Variants in MALRD1 observed in about 807,000 individuals in gnomAD.
MALRD1 encodes MAM and LDL-receptor class A domain-containing protein 1.
Under a neutral mutation model 242.1 loss-of-function variants are expected in MALRD1, and 247 were observed. The ratio of observed to expected loss-of-function variants is 1.02; its 90% CI spans 0.92 to 1.13. MALRD1 has a LOEUF of 1.13. Among genes scored for constraint, MALRD1 ranks in the 50% most tolerant of loss-of-function variants. MALRD1 has a pLI of 0.00. For missense variants in MALRD1, 2,989 were observed against 2,533.1 expected, an observed-to-expected ratio of 1.18 and a Z score of -3.86; for synonymous variants, 995 against 866.6, an observed-to-expected ratio of 1.15 and a Z score of -2.60.
At chr10:19,595,119 A>G in intron 33 of MALRD1, 75 bp from the exon 34 acceptor site, 1 of 1,362,074 alleles carries the variant, frequency 7.3e-7, no homozygotes, top group Non-Finnish European at 9.8e-7. Context: ...TAAGAAATGC[A>G]ACCTGTAATG....
chr10:19,659,062 C>T (rs1033214869), intron 36 of MALRD1, among the ~76,000 whole-genome samples: 3 of 152,168 alleles, frequency 2.0e-5, no homozygotes, highest in African/African-American at 7.2e-5. Context: ...TATTTTCCTA[C>T]TTTTTGCTCT....
intron 36 of MALRD1, among the ~76,000 whole-genome samples, chr10:19,684,744 T>C (rs994688668): frequency 7.9e-5 from 12 of 152,232 alleles, no homozygotes; most frequent in African/African-American, 2.4e-4. Flanking sequence ...AGAGCAAGAC[T>C]CTAACTCAAA....
At chr10:19,290,890 C>T (rs1317648846) in intron 21 of MALRD1, among the ~76,000 whole-genome samples, 1 of 152,104 alleles carries the variant, frequency 6.6e-6, no homozygotes, top group Non-Finnish European at 1.5e-5. Flanking sequence ...TTTATATGAT[C>T]TCAGAGTCCT....
intron 19 of MALRD1, 94 bp downstream of exon 19, chr10:19,257,865 A>T: frequency 2.3e-6 from 2 of 879,598 alleles, no homozygotes; most frequent in Non-Finnish European, 1.7e-6. Context: ...CAAAATTTCC[A>T]ATATGACCTT....
At chr10:19,167,101 T>G (rs1834719181) in intron 13 of MALRD1, among the ~76,000 whole-genome samples, 1 of 152,188 alleles carries the variant, frequency 6.6e-6, no homozygotes, top group Admixed American at 6.5e-5. Context: ...GGCTCATGCC[T>G]GTAATCCCAG....
In MALRD1 at chr10:19,450,252, C is replaced by T. The variant is rs1835245288; in HGVS notation, c.4846-55C>T. ...AATAACTGGGTTTTGCCCCACACTG[C>T]ATCATCTTCTTTTGTGTTTGATTAT... is the stretch of plus-strand genomic sequence containing the variant. On this transcript the variant is annotated intron_variant, in intron 28 of 39. Coordinates refer to ENST00000454679, the MANE Select transcript of MALRD1 (RefSeq NM_001142308.3). 8 of 1,448,358 alleles carry T rather than the reference C, an allele frequency of 5.5e-6. No homozygotes were observed. The South Asian group carries it at 8.0e-5, about 14-fold the overall frequency. 89.7% of individuals were successfully genotyped at this position (1,448,358 alleles called of 1,614,324 possible).
At chr10:19,566,012 T>C (rs748815253) in intron 32 of MALRD1, among the ~76,000 whole-genome samples, 35 of 152,200 alleles carry the variant, frequency 2.3e-4, no homozygotes, top group Non-Finnish European at 1.2e-4. Flanking sequence ...AGCATTCTTA[T>C]CTTCTGTCTC....
chr10:19,528,435 A>G (rs929493374), intron 31 of MALRD1, among the ~76,000 whole-genome samples: 1 of 152,078 alleles, frequency 6.6e-6, no homozygotes, highest in Non-Finnish European at 1.5e-5. Flanking sequence ...TCTACCAAAA[A>G]TACAAAAATT....
At chr10:19,533,944 A>G (rs1449002361) in intron 32 of MALRD1, among the ~76,000 whole-genome samples, 1 of 152,178 alleles carries the variant, frequency 6.6e-6, no homozygotes, top group African/African-American at 2.4e-5. Flanking sequence ...GAAGAGAGGT[A>G]TTTCTTTTTC....
intron 29 of MALRD1, among the ~76,000 whole-genome samples, chr10:19,486,187 T>C (rs932160336): frequency 6.6e-6 from 1 of 152,236 alleles, no homozygotes; most frequent in Non-Finnish European, 1.5e-5. Context: ...CATTTACTTA[T>C]CACATTAAAT....
intron 21 of MALRD1, among the ~76,000 whole-genome samples, chr10:19,320,210 C>A (rs1842865995): frequency 6.6e-6 from 1 of 151,702 alleles, no homozygotes; most frequent in African/African-American, 2.4e-5. Flanking sequence ...TCGTGATGCT[C>A]TCCCTCCCCT....
At chr10:19,066,999 A>T (rs572565089) in intron 2 of MALRD1, 140 bp downstream of exon 2, 367 of 536,336 alleles carry the variant, frequency 6.8e-4, no homozygotes, top group Non-Finnish European at 9.2e-4. Flanking sequence ...ATCTTGTCTG[A>T]TATTTACATA....
rs1309013830 is a variant in MALRD1 at position 19,613,594 on chromosome 10, C to CA, written c.6071-2261dup. ...CATTATATTTTTGCTAGTTTATTAC[C>CA]AACAAAAACCTCTTTAACGGGGCTC... On this transcript the variant is annotated intron_variant, in intron 35 of 39. Coordinates refer to ENST00000454679, the MANE Select transcript of MALRD1 (RefSeq NM_001142308.3). 3.3e-5 allele frequency among the ~76,000 whole-genome samples: 5 copies of CA among 151,778 alleles called. No individual in the cohort carries two copies. In the East Asian group the frequency reaches 5.8e-4, roughly 18 times the overall value.
intron 28 of MALRD1, among the ~76,000 whole-genome samples, chr10:19,443,480 A>G (rs1180287089): frequency 6.6e-6 from 1 of 152,188 alleles, no homozygotes; most frequent in Non-Finnish European, 1.5e-5. Flanking sequence ...TTCCCTCTAC[A>G]CACTGCTTTA....
chr10:19,296,202 T>C (rs1216024793), intron 21 of MALRD1, among the ~76,000 whole-genome samples: 1 of 152,138 alleles, frequency 6.6e-6, no homozygotes, highest in Non-Finnish European at 1.5e-5. Flanking sequence ...TATAGTTTCT[T>C]CATAACTTTT....
At chr10:19,244,876 A>T (rs556158995) in intron 18 of MALRD1, among the ~76,000 whole-genome samples, 12 of 152,322 alleles carry the variant, frequency 7.9e-5, no homozygotes, top group Middle Eastern at 3.4e-3. Flanking sequence ...AATTAAGAGC[A>T]AATACAGATG....
intron 21 of MALRD1, among the ~76,000 whole-genome samples, chr10:19,283,594 C>G (rs1258939493): frequency 6.6e-6 from 1 of 151,930 alleles, no homozygotes; most frequent in Non-Finnish European, 1.5e-5. Flanking sequence ...CCCTTTCTGT[C>G]TTCCTACTTT....
At chr10:19,074,531 C>T (rs1221463076) in intron 2 of MALRD1, among the ~76,000 whole-genome samples, 1 of 151,974 alleles carries the variant, frequency 6.6e-6, no homozygotes, top group Non-Finnish European at 1.5e-5. Flanking sequence ...TATATTTGTT[C>T]TATTTTTCCA....
chr10:19,680,388 G>A (rs757199022), intron 36 of MALRD1, among the ~76,000 whole-genome samples: 3 of 152,124 alleles, frequency 2.0e-5, no homozygotes, highest in South Asian at 2.1e-4. Context: ...TTACCATTAT[G>A]TAATGCCCTT....
Sources: allele counts gnomAD v4.1 joint callset (sites outside exome capture counted in the v4.1 genomes callset), GRCh38; gene constraint gnomAD v4.1.1; transcripts MANE v1.5; gene names NCBI Gene and HGNC (gene_info 2026-07-23, HGNC 2026-07-21).